Variants in C9 observed in about 807,000 individuals in gnomAD.
The protein encoded by C9 is complement C9, also known as complement component C9.
Under a neutral mutation model 65.4 loss-of-function variants are expected in C9, and 63 were observed. The ratio of observed to expected loss-of-function variants is 0.96; its 90% confidence interval spans 0.79 to 1.19. The LOEUF is 1.19. C9 is among the 50% of genes most tolerant of loss of function. C9 has a pLI of 0.00. For synonymous variants in C9, 229 were observed against 227.9 expected, an observed-to-expected ratio of 1.00 and a Z score of -0.04; for missense variants, 744 against 670.1, an observed-to-expected ratio of 1.11 and a Z score of -1.22.
Position 39,311,027 on chromosome 5 carries a change from G to A in C9, c.1111+110C>T, listed in dbSNP as rs1579849990. The A allele has an allele frequency of 2.4e-6, 3 of 1,239,288 alleles. No individual in the cohort carries two copies. The East Asian group carries it at 7.0e-5, about 29-fold the overall frequency. The allele number at this position is 1,239,288 out of a possible 1,614,324, so 76.8% of individuals were successfully genotyped here. A position where few individuals can be genotyped will look rare whatever the true frequency, so the allele number is the denominator to read the frequency against. On this transcript the variant is annotated intron_variant, in intron 7 of 10. Transcript: ENST00000263408. Reference sequence around the variant, plus strand: ...GGAAGAGAGTCCTCTCAAAGGAGCAGGTTACAGGGCTTTGTATTCTTAAGA... The same window carrying A: ...GGAAGAGAGTCCTCTCAAAGGAGCAAGTTACAGGGCTTTGTATTCTTAAGA...
chr5:39,357,637 C>G lies in C9; in HGVS notation c.77+6751G>C, dbSNP rs13356834. On this transcript the variant is annotated intron_variant, in intron 1 of 10. Coordinates refer to ENST00000263408, the MANE Select transcript of C9 (RefSeq NM_001737.5). The stretch of plus-strand genomic sequence containing the variant: ...GAGTTATGAAGGAAAACAAAGCAGA[C>G]CGGGTAAGAGGATAGAGACTGCCCT... 5.2e-3 allele frequency among the ~76,000 whole-genome samples: 789 copies of G among 152,224 alleles called. 6 individuals are homozygous for G. The highest frequency in any genetic ancestry group is 0.018 in the African/African-American group (737 of 41,524).
At chr5:39,295,700 C>T (rs1251072816) in intron 9 of C9, among the ~76,000 whole-genome samples, 1 of 151,412 alleles carries the variant, frequency 6.6e-6, no homozygotes, top group Non-Finnish European at 1.5e-5. Context: ...CCACAAAGAC[C>T]TCAAATAGCC....
At chr5:39,329,114 A>C (rs1234200930) in intron 5 of C9, among the ~76,000 whole-genome samples, 1 of 152,172 alleles carries the variant, frequency 6.6e-6, no homozygotes, top group Non-Finnish European at 1.5e-5. Flanking sequence ...AAGTGAAGAA[A>C]CAACCAAAGA....
intron 1 of C9, among the ~76,000 whole-genome samples, chr5:39,347,624 C>T (rs1754232310): frequency 6.6e-6 from 1 of 152,100 alleles, no homozygotes; most frequent in South Asian, 2.1e-4. Flanking sequence ...CAATGCCATC[C>T]CTATCAAGCT....
chr5:39,358,853 C>T (rs1033609628), intron 1 of C9, among the ~76,000 whole-genome samples: 1 of 151,036 alleles, frequency 6.6e-6, no homozygotes, highest in Non-Finnish European at 1.5e-5. Flanking sequence ...GGCGTGGTGG[C>T]GGGCGCCTGT....
chr5:39,343,793 C>G (rs935275099), intron 1 of C9, among the ~76,000 whole-genome samples: 1 of 152,210 alleles, frequency 6.6e-6, no homozygotes, highest in Non-Finnish European at 1.5e-5. Flanking sequence ...CAGACTGACA[C>G]CTCACATGGC....
At chr5:39,309,757 G>A (rs1753446577) in intron 7 of C9, among the ~76,000 whole-genome samples, 1 of 152,230 alleles carries the variant, frequency 6.6e-6, no homozygotes, top group South Asian at 2.1e-4. Context: ...CCTCTTCAAA[G>A]TCACTAGAAT....
At chr5:39,316,708 T>C (rs1753575400) in intron 5 of C9, among the ~76,000 whole-genome samples, 1 of 152,248 alleles carries the variant, frequency 6.6e-6, no homozygotes, top group Non-Finnish European at 1.5e-5. Context: ...TAGTATTCCA[T>C]GGTGTATATG....
At chr5:39,296,076 C>T (rs1319479723) in intron 9 of C9, among the ~76,000 whole-genome samples, 1 of 151,588 alleles carries the variant, frequency 6.6e-6, no homozygotes, top group Admixed American at 6.6e-5. Context: ...TATAAAACTA[C>T]TGGAAGAAAA....
At chr5:39,291,597 T>A (rs1310283498) in intron 9 of C9, among the ~76,000 whole-genome samples, 1 of 151,696 alleles carries the variant, frequency 6.6e-6, no homozygotes, top group African/African-American at 2.4e-5. Context: ...GAAAAATAAT[T>A]TTGCAGCTAG....
Position 39,351,113 on chromosome 5 carries a change from G to C in C9, c.78-8917C>G, listed in dbSNP as rs1097304. ...GTGGAAGCCACCAAGGCTTGGGTTT[G>C]TACCCTCTGAAGCAATGGCCTGAGC... is the stretch of plus-strand genomic sequence containing the variant. On this transcript the variant is annotated intron_variant, in intron 1 of 10. Transcript: ENST00000263408. Among the ~76,000 whole-genome samples, 1,826 of 152,304 alleles carry C rather than the reference G, an allele frequency of 0.012. 165 individuals carry two copies. The East Asian group carries it at 0.26, about 22-fold the overall frequency.
At chr5:39,327,771 T>C (rs155083) in intron 5 of C9, among the ~76,000 whole-genome samples, 136,188 of 152,130 alleles carry the variant, frequency 0.9, 60,966 homozygotes, top group Admixed American at 0.93. Flanking sequence ...GGAAATCACT[T>C]AAGAAGAATA....
At chr5:39,293,880 A>C (rs559346078) in intron 9 of C9, among the ~76,000 whole-genome samples, 18 of 152,114 alleles carry the variant, frequency 1.2e-4, no homozygotes, top group Non-Finnish European at 2.1e-4. Context: ...ATGGAATAAA[A>C]CCAGAAGTCA....
chr5:39,291,362 A>C (rs1276300457), intron 9 of C9, among the ~76,000 whole-genome samples: 3 of 151,956 alleles, frequency 2.0e-5, no homozygotes, highest in Non-Finnish European at 4.4e-5. Flanking sequence ...AGGTAAGAAG[A>C]AAATATTGAC....
At chr5:39,360,742 A>C (rs1003443753) in intron 1 of C9, among the ~76,000 whole-genome samples, 16 of 152,304 alleles carry the variant, frequency 1.1e-4, no homozygotes, top group African/African-American at 3.4e-4. Context: ...CCGTGCCAAA[A>C]TACCTATTTT....
At chr5:39,356,793 C>A (rs930757125) in intron 1 of C9, among the ~76,000 whole-genome samples, 1 of 152,166 alleles carries the variant, frequency 6.6e-6, no homozygotes, top group African/African-American at 2.4e-5. Context: ...CCCAACACCC[C>A]CTCCTCAGCC....
chr5:39,359,699 G>A (rs1754480315), intron 1 of C9, among the ~76,000 whole-genome samples: 1 of 152,238 alleles, frequency 6.6e-6, no homozygotes, highest in Admixed American at 6.5e-5. Flanking sequence ...TGGTATGCAA[G>A]TGGACTGGTG....
rs1463600279 is a variant in C9 at position 39,341,496 on chromosome 5, T to C, written c.328+60A>G. 53 of 1,583,120 alleles carry C rather than the reference T, an allele frequency of 3.3e-5. No homozygotes were observed. In the South Asian group the frequency reaches 5.6e-4, roughly 17 times the overall value. On this transcript the variant is annotated intron_variant, in intron 3 of 10. Coordinates refer to ENST00000263408, the MANE Select transcript of C9 (RefSeq NM_001737.5). ...GTCCAGAAGCATATGCTTTTTTTTT[T>C]CTTTTCATTCAGGAAGGCACACAGA... is the stretch of plus-strand genomic sequence containing the variant.
rs186494493 is a variant in C9 at position 39,284,264 on chromosome 5, T to G, written c.*935A>C. On this transcript the variant is annotated 3_prime_UTR_variant, in exon 11 of 11. Transcript: ENST00000263408. ...TTTATTTTGATATATTTTTCCTCTT[T>G]TCTTTCTTTCTTTCCTTTTTTTAAA... The G allele has an allele frequency of 3.8e-4, 58 of 152,162 alleles. No individual in the cohort carries two copies. Among genetic ancestry groups the G allele is most frequent in the African/African-American group, 1.4e-3 (57 of 41,560 alleles). 9.4% of individuals were successfully genotyped at this position (152,162 alleles called of 1,614,324 possible). A position where few individuals can be genotyped will look rare whatever the true frequency, so the allele number is the denominator to read the frequency against.
Sources: gnomAD v4.1 joint callset for allele counts (sites outside exome capture counted in the v4.1 genomes callset) on GRCh38, gnomAD v4.1.1 for gene constraint, MANE v1.5 for transcripts, NCBI Gene and HGNC (gene_info 2026-07-23, HGNC 2026-07-21) for gene names.